IFT81: variants seen among roughly 807,000 people sequenced by gnomAD.
IFT81 encodes the protein intraflagellar transport 81.
In IFT81, 72 loss-of-function variants were observed where a neutral mutation model predicts 102.6. The observed-to-expected ratio is 0.70, with a 90% CI of 0.58 to 0.85. The LOEUF (loss-of-function observed/expected upper bound fraction) is 0.85. Among genes scored for constraint, IFT81 ranks in the 40% least tolerant of loss-of-function variants. The pLI, the probability that IFT81 is intolerant of heterozygous loss-of-function variation, is 0.00. For synonymous variants in IFT81, 237 were observed against 242.7 expected (o/e 0.98, Z 0.22); for missense variants, 723 against 787.3 (o/e 0.92, Z 0.98).
chr12:110,149,737 A>G (rs1222032962), intron 10 of IFT81, among the ~76,000 whole-genome samples: 2 of 152,220 alleles, frequency 1.3e-5, no homozygotes, highest in South Asian at 2.1e-4. Flanking sequence ...CTGCCAGTCA[A>G]TGGCCTAGGT....
At chr12:110,149,035 A>G (rs768089393) in intron 10 of IFT81, among the ~76,000 whole-genome samples, 13 of 152,164 alleles carry the variant, frequency 8.5e-5, no homozygotes, top group Admixed American at 3.3e-4. Context: ...ATGATGCTCA[A>G]ATTGTCCCAG....
chr12:110,210,530 G>T (rs1450746862), intron 18 of IFT81, among the ~76,000 whole-genome samples: 1 of 151,868 alleles, frequency 6.6e-6, no homozygotes, highest in Non-Finnish European at 1.5e-5. Flanking sequence ...TTTGAACCTG[G>T]GAGTTTGAGA....
chr12:110,127,447 T>G lies in IFT81; in HGVS notation c.67T>G (p.Leu23Val). 1.9e-6 allele frequency: 3 copies of G among 1,608,960 alleles called. No individual in the cohort carries two copies. Among genetic ancestry groups the G allele is most frequent in the Non-Finnish European group, 2.5e-6 (3 of 1,177,718 alleles). ...NKEPFRKNYN[L>V]ITFDSLEPMQ... is the part of the protein sequence containing the mutation. ...GGAGCCCTTTAGGAAGAACTATAAT[T>G]TAATCACGTTTGATTCCTTGGAGCC... is the stretch of plus-strand genomic sequence containing the variant. Residue 23 changes from leucine (L) to valine (V), a missense_variant, in exon 2 of 19, where the codon TTA becomes GTA. By Grantham distance (32) the Leu-to-Val change is conservative. Coordinates refer to ENST00000242591, the MANE Select transcript of IFT81 (RefSeq NM_014055.4).
intron 7 of IFT81, among the ~76,000 whole-genome samples, chr12:110,135,868 A>G (rs79484200): frequency 3.6e-5 from 2 of 55,150 alleles, no homozygotes; most frequent in African/African-American, 1.1e-4. Context: ...CTTTGTCTGA[A>G]AAAAAAAAAA....
intron 8 of IFT81, among the ~76,000 whole-genome samples, chr12:110,138,918 T>G (rs997108188): frequency 6.6e-6 from 1 of 152,240 alleles, no homozygotes; most frequent in Non-Finnish European, 1.5e-5. Context: ...TTAAAACTTT[T>G]CATAGAAACA....
At chr12:110,209,074 C>T in intron 17 of IFT81, 97 bp from the exon 18 acceptor site, 4 of 613,544 alleles carry the variant, frequency 6.5e-6, no homozygotes, top group East Asian at 3.1e-5. Context: ...ACTATATTGC[C>T]TAGTGTATTT....
Position 110,156,517 on chromosome 12 carries a change from G to A in IFT81, c.1042-6402G>A, listed in dbSNP as rs1177193435. ...ATTCCTTACTTTTTTTTTTTTTGGAGATGGAGTCTCACTTCATCGCCCAGG... is the reference window on the plus strand; with the variant it reads ...ATTCCTTACTTTTTTTTTTTTTGGAAATGGAGTCTCACTTCATCGCCCAGG... On this transcript the variant is annotated intron_variant, in intron 10 of 18. Transcript: ENST00000242591. 3.3e-5 allele frequency among the ~76,000 whole-genome samples: 5 copies of A among 150,070 alleles called. 1 individual carries two copies. The South Asian group carries it at 1.0e-3, about 31-fold the overall frequency.
intron 11 of IFT81, among the ~76,000 whole-genome samples, chr12:110,169,501 T>A (rs1896636541): frequency 6.6e-6 from 1 of 152,118 alleles, no homozygotes; most frequent in Admixed American, 6.5e-5. Flanking sequence ...TTAGGACCAA[T>A]GAATGGTGAT....
intron 12 of IFT81, among the ~76,000 whole-genome samples, chr12:110,181,195 G>A (rs1593345769): frequency 6.6e-6 from 1 of 152,074 alleles, no homozygotes; most frequent in African/African-American, 2.4e-5. Context: ...AACCAGTTGT[G>A]TTTCCTTTTA....
chr12:110,125,852 G>T (rs984451914), intron 1 of IFT81, among the ~76,000 whole-genome samples: 1 of 152,162 alleles, frequency 6.6e-6, no homozygotes, highest in African/African-American at 2.4e-5. Flanking sequence ...TTGTACTTGT[G>T]CCTGTGAACA....
chr12:110,143,349 T>C, intron 8 of IFT81, 33 bp from the exon 9 acceptor site: 1 of 1,192,454 alleles, frequency 8.4e-7, no homozygotes. Context: ...CCTACTCTTT[T>C]GGGCTGAATA....
chr12:110,187,130 A>G (rs1325227238), intron 12 of IFT81, among the ~76,000 whole-genome samples: 1 of 152,154 alleles, frequency 6.6e-6, no homozygotes, highest in African/African-American at 2.4e-5. Flanking sequence ...GAATTTCCAT[A>G]TGATTCAATT....
intron 18 of IFT81, chr12:110,216,767 C>T (rs1023446086): frequency 2.4e-5 from 9 of 376,858 alleles, no homozygotes; most frequent in African/African-American, 1.9e-4. Flanking sequence ...TTCAGGTGAT[C>T]TGCCCACCTA....
At chr12:110,156,806 C>T (rs550071874) in intron 10 of IFT81, among the ~76,000 whole-genome samples, 197 of 152,252 alleles carry the variant, frequency 1.3e-3, no homozygotes, top group African/African-American at 4.5e-3. Context: ...CTCTCCCTTA[C>T]TTTTGAAGGA....
In IFT81 at chr12:110,203,725, G is replaced by A. The variant is rs1456701289; in HGVS notation, c.1558-139G>A. On this transcript the variant is annotated intron_variant, in intron 14 of 18. Coordinates refer to ENST00000242591, the MANE Select transcript of IFT81 (RefSeq NM_014055.4). ...ATCTATCATAATTCTCAAATGTCTG[G>A]TTGTTGCATAAATAACTCTTAAGTA... is the stretch of plus-strand genomic sequence containing the variant. 13 of 666,048 alleles carry A rather than the reference G, an allele frequency of 2.0e-5. No homozygotes were observed. In the Admixed American group the frequency reaches 2.8e-4, roughly 14 times the overall value. The allele number at this position is 666,048 out of a possible 1,614,324, so 41.3% of individuals were successfully genotyped here. A position where few individuals can be genotyped will look rare whatever the true frequency, so the allele number is the denominator to read the frequency against.
intron 8 of IFT81, among the ~76,000 whole-genome samples, chr12:110,143,098 C>T (rs749462798): frequency 2.0e-5 from 3 of 152,004 alleles, no homozygotes; most frequent in South Asian, 2.1e-4. Flanking sequence ...GTTATTTTTG[C>T]GTATTGCGGG....
intron 3 of IFT81, 139 bp from the exon 4 acceptor site, chr12:110,128,811 G>C: frequency 4.8e-6 from 1 of 209,824 alleles, no homozygotes; most frequent in Non-Finnish European, 9.0e-6. Flanking sequence ...AAAAAAAAAA[G>C]ATTCCTTGGG....
chr12:110,148,788 A>G (rs912933469), intron 10 of IFT81, among the ~76,000 whole-genome samples: 2 of 152,172 alleles, frequency 1.3e-5, no homozygotes, highest in African/African-American at 4.8e-5. Context: ...CTACTTTTAT[A>G]AAGAGAAAAC....
At chr12:110,163,387 C>G (rs1443042123) in intron 11 of IFT81, among the ~76,000 whole-genome samples, 1 of 151,508 alleles carries the variant, frequency 6.6e-6, no homozygotes, top group Non-Finnish European at 1.5e-5. Context: ...ATTATAGGTG[C>G]CTGCCAACAT....
Sources: allele counts gnomAD v4.1 joint callset (sites outside exome capture counted in the v4.1 genomes callset), GRCh38; gene constraint gnomAD v4.1.1; transcripts MANE v1.5; gene names NCBI Gene and HGNC (gene_info 2026-07-23, HGNC 2026-07-21).